COL11A1: variants seen among roughly 807,000 people sequenced by gnomAD.
COL11A1 encodes collagen alpha-1(XI) chain.
COL11A1 carries 74 observed loss-of-function variants against 265.2 expected under a neutral mutation model. The observed-to-expected ratio is 0.28, with a 90% CI of 0.23 to 0.34. The LOEUF (loss-of-function observed/expected upper bound fraction) is 0.34, where lower values mean the gene tolerates loss of function less well. COL11A1 is among the 10% of genes least tolerant of loss of function. COL11A1 has a pLI of 1.00. For missense variants in COL11A1, 2,165 were observed against 2,263.6 expected (o/e 0.96, Z 0.88); for synonymous variants, 816 against 727.6 (o/e 1.12, Z -1.96).
chr1:102,878,854 C>A (rs1351206531), intron 66 of COL11A1, among the ~76,000 whole-genome samples: 1 of 152,018 alleles, frequency 6.6e-6, no homozygotes, highest in East Asian at 1.9e-4. Context: ...TTAAGATATA[C>A]ATAGTCAAAT....
At chr1:102,932,737 C>T (rs1449388647) in intron 46 of COL11A1, among the ~76,000 whole-genome samples, 20 of 151,092 alleles carry the variant, frequency 1.3e-4, no homozygotes, top group Middle Eastern at 3.4e-3. Context: ...ACCAATCAGA[C>T]GTAGATTTGG....
chr1:102,963,646 G>T (rs1824691), intron 38 of COL11A1, among the ~76,000 whole-genome samples: 43,261 of 151,916 alleles, frequency 0.28, 6,514 homozygotes, highest in African/African-American at 0.39. Flanking sequence ...ATGCAACATA[G>T]TCTTAACTAT....
At chr1:102,986,498 C>T (rs1000279925) in intron 30 of COL11A1, among the ~76,000 whole-genome samples, 1 of 151,732 alleles carries the variant, frequency 6.6e-6, no homozygotes, top group Non-Finnish European at 1.5e-5. Flanking sequence ...ACCAACATGG[C>T]ACATGTATAC....
chr1:102,979,250 C>G (rs1488665602), intron 32 of COL11A1, 132 bp downstream of exon 32: 1 of 1,224,362 alleles, frequency 8.2e-7, no homozygotes. Flanking sequence ...GCTGCCCAGG[C>G]TGGCCTGGAA....
chr1:102,933,276 G>T (rs1657716554), intron 46 of COL11A1, among the ~76,000 whole-genome samples: 1 of 126,434 alleles, frequency 7.9e-6, no homozygotes, highest in African/African-American at 2.9e-5. Context: ...TTTTGGTGTG[G>T]ATGTCCTTTC....
intron 1 of COL11A1, among the ~76,000 whole-genome samples, chr1:103,086,641 C>T (rs372947048): frequency 6.6e-6 from 1 of 152,092 alleles, no homozygotes; most frequent in African/African-American, 2.4e-5. Context: ...TGGTCTTGAT[C>T]TCCTGACTTC....
chr1:103,089,217 C>A (rs1673110966), intron 1 of COL11A1, among the ~76,000 whole-genome samples: 1 of 152,006 alleles, frequency 6.6e-6, no homozygotes, highest in African/African-American at 2.4e-5. Context: ...TTTAAGTTTC[C>A]CAGATGAGTT....
At chr1:102,913,542 G>A (rs983276397) in intron 53 of COL11A1, 95 bp downstream of exon 53, 1 of 1,192,880 alleles carries the variant, frequency 8.4e-7, no homozygotes, top group Middle Eastern at 1.9e-4. Context: ...TATACATAGA[G>A]CTATGTTTTT....
chr1:102,918,197 G>A (rs1263781228), intron 49 of COL11A1, among the ~76,000 whole-genome samples: 8 of 151,564 alleles, frequency 5.3e-5, no homozygotes, highest in Admixed American at 1.3e-4. Context: ...ATCACTTATC[G>A]TGTAACTATT....
intron 43 of COL11A1, 81 bp downstream of exon 43, chr1:102,940,246 T>C (rs1658580379): frequency 8.5e-7 from 1 of 1,178,934 alleles, no homozygotes; most frequent in Admixed American, 1.7e-5. Context: ...CGCCTAATCA[T>C]AAAGATTAGA....
Position 102,961,589 on chromosome 1 carries a change from C to T in COL11A1, c.3168+277G>A, listed in dbSNP as rs1012283. On this transcript the variant is annotated intron_variant, in intron 41 of 66. Transcript: ENST00000370096. ...ATTCCGTGACTATGAGCTTCTATTACTCATAATGAGGATTTATTTCCTTGG... is the reference window on the plus strand; with the variant it reads ...ATTCCGTGACTATGAGCTTCTATTATTCATAATGAGGATTTATTTCCTTGG... Among the ~76,000 whole-genome samples, 20,521 of 152,196 alleles carry T rather than the reference C, an allele frequency of 0.13. 1,524 individuals carry two copies. Among genetic ancestry groups the T allele is most frequent in the Middle Eastern group, 0.19 (55 of 294 alleles).
chr1:102,989,561 C>T lies in COL11A1; in HGVS notation c.2351G>A (p.Gly784Asp). 1 of 1,610,058 alleles carries T rather than the reference C, an allele frequency of 6.2e-7. No homozygotes were observed. The highest frequency in any genetic ancestry group is 2.2e-5 in the East Asian group (1 of 44,714). Residue 784 changes from glycine to aspartate, a missense_variant, in exon 29 of 67, where the codon GGT becomes GAT. Physicochemically the swap from Gly to Asp is moderately conservative, Grantham distance 94. Coordinates refer to ENST00000370096, the MANE Select transcript of COL11A1 (RefSeq NM_001854.4). ...CATGTCACCTTTGAATCCTGGAAAACCATCTTCACCCTAAAACATTATAAA... is the reference window on the plus strand; with the variant it reads ...CATGTCACCTTTGAATCCTGGAAAATCATCTTCACCCTAAAACATTATAAA... The part of the protein sequence containing the change: ...KGSKGEKGED[G>D]FPGFKGDMGL...
chr1:103,080,020 A>G (rs1672277756), intron 2 of COL11A1, among the ~76,000 whole-genome samples: 1 of 151,954 alleles, frequency 6.6e-6, no homozygotes, highest in Non-Finnish European at 1.5e-5. Context: ...CCAAAGTACT[A>G]TTTATAATAA....
Position 102,959,401 on chromosome 1 carries a change from T to G in COL11A1, c.3168+2465A>C, listed in dbSNP as rs544821490. On this transcript the variant is annotated intron_variant, in intron 41 of 66. Transcript: ENST00000370096. ...AACATCACATCTCTTTCCTAGTATT[T>G]TCTCGCTCTTCAACGATTTTGTAAT... Among the ~76,000 whole-genome samples the G allele has an allele frequency of 3.0e-3, 331 of 111,460 alleles. 2 individuals are homozygous for G. The highest frequency in any genetic ancestry group is 3.4e-3 in the Non-Finnish European group (181 of 53,832). The allele number at this position is 111,460 out of a possible 152,430, so 73.1% of individuals were successfully genotyped here.
intron 54 of COL11A1, among the ~76,000 whole-genome samples, chr1:102,904,788 T>A (rs962579076): frequency 6.6e-6 from 1 of 151,992 alleles, no homozygotes; most frequent in Non-Finnish European, 1.5e-5. Context: ...GACTGTAAAC[T>A]AGTTCAACCA....
intron 38 of COL11A1, 152 bp downstream of exon 38, chr1:102,965,335 T>G (rs1210781527): frequency 1.3e-6 from 1 of 756,800 alleles, no homozygotes; most frequent in Non-Finnish European, 2.3e-6. Flanking sequence ...TTTCATTTGA[T>G]GTACGAAAGC....
At chr1:102,920,398 A>T (rs781191518) in intron 48 of COL11A1, 34 bp from the exon 49 acceptor site, 2 of 1,578,448 alleles carry the variant, frequency 1.3e-6, no homozygotes, top group Admixed American at 3.3e-5. Context: ...AATTATCCAT[A>T]TTCTTATTAA....
At chr1:103,095,729 T>G (rs534886680) in intron 1 of COL11A1, among the ~76,000 whole-genome samples, 8 of 151,942 alleles carry the variant, frequency 5.3e-5, no homozygotes, top group Non-Finnish European at 1.0e-4. Context: ...CATGTAAATT[T>G]GTGTAACAGA....
At chr1:102,880,143 G>GA (rs1650045325) in intron 65 of COL11A1, 8 of 489,868 alleles carry the variant, frequency 1.6e-5, no homozygotes, top group Non-Finnish European at 2.2e-5. Context: ...GCTTATCTTT[G>GA]AAAAAACCAC....
Sources: allele counts gnomAD v4.1 joint callset (sites outside exome capture counted in the v4.1 genomes callset), GRCh38; gene constraint gnomAD v4.1.1; transcripts MANE v1.5; gene names NCBI Gene and HGNC (gene_info 2026-07-23, HGNC 2026-07-21).